The following FILIP1L variants were observed in gnomAD, a reference collection of about 807,000 sequenced individuals.
FILIP1L encodes the protein filamin A interacting protein 1 like, also known as filamin A-interacting protein 1-like.
A neutral mutation model predicts 96.6 loss-of-function variants in FILIP1L; 55 were observed. The observed-to-expected ratio is 0.57, with a 90% CI of 0.46 to 0.71. The LOEUF (loss-of-function observed/expected upper bound fraction) is 0.71. Ranked by LOEUF, FILIP1L falls within the 30% of genes least tolerant of loss-of-function variation. The probability of loss-of-function intolerance (pLI) is 0.00; values close to 1 mark genes in which losing one functional copy is unlikely to be tolerated. For missense variants in FILIP1L, 1,304 were observed against 1,321.2 expected (o/e 0.99, Z 0.20); for synonymous variants, 467 against 473.9 (o/e 0.99, Z 0.19).
chr3:99,987,310 T>G (rs945444747), intron 1 of FILIP1L, among the ~76,000 whole-genome samples: 1 of 151,420 alleles, frequency 6.6e-6, no homozygotes, highest in African/African-American at 2.4e-5. Context: ...GGGTGGATCA[T>G]TTGAGGTCAG....
At chr3:99,923,910 C>T (rs1298371615) in intron 4 of FILIP1L, among the ~76,000 whole-genome samples, 1 of 152,210 alleles carries the variant, frequency 6.6e-6, no homozygotes, top group East Asian at 1.9e-4. Context: ...ACACTTATTT[C>T]ACCCCTTGCC....
chr3:99,869,138 C>T (rs1046379261), intron 4 of FILIP1L, among the ~76,000 whole-genome samples: 2 of 152,118 alleles, frequency 1.3e-5, no homozygotes, highest in African/African-American at 2.4e-5. Context: ...AGTTTTGTTC[C>T]TCTTGTTCTT....
In FILIP1L at chr3:100,023,674, G is replaced by A. The variant is rs141867183; in HGVS notation, c.-11+90379C>T. On this transcript the variant is annotated intron_variant, in intron 1 of 5. Coordinates refer to ENST00000477258, the MANE Select transcript of FILIP1L (RefSeq NM_001387850.1). ...TCTAATTAGGTAAGGCTTGATTTATGGAGTTGGCCTCATATAAACCATGAT... is the reference window on the plus strand; with the variant it reads ...TCTAATTAGGTAAGGCTTGATTTATAGAGTTGGCCTCATATAAACCATGAT... 7.3e-3 allele frequency among the ~76,000 whole-genome samples: 1,105 copies of A among 152,086 alleles called. 19 individuals are homozygous for A. Among genetic ancestry groups the A allele is most frequent in the African/African-American group, 0.025 (1,018 of 41,472 alleles).
intron 1 of FILIP1L, among the ~76,000 whole-genome samples, chr3:99,987,046 T>C (rs1709361707): frequency 6.6e-6 from 1 of 151,182 alleles, no homozygotes; most frequent in Non-Finnish European, 1.5e-5. Flanking sequence ...CTGGGCAACA[T>C]AGTGACACCC....
chr3:100,035,878 A>G (rs1177126963), intron 1 of FILIP1L, among the ~76,000 whole-genome samples: 1 of 152,208 alleles, frequency 6.6e-6, no homozygotes, highest in East Asian at 1.9e-4. Context: ...CAAATCACAT[A>G]CATGTAATTT....
At chr3:100,090,029 T>C (rs146856641) in intron 1 of FILIP1L, among the ~76,000 whole-genome samples, 64 of 152,314 alleles carry the variant, frequency 4.2e-4, no homozygotes, top group African/African-American at 1.5e-3. Context: ...TTTCTCCTGA[T>C]AGGAGTGCGT....
intron 4 of FILIP1L, among the ~76,000 whole-genome samples, chr3:99,913,186 CTGT>C (rs912088554): frequency 2.0e-5 from 3 of 152,174 alleles, no homozygotes; most frequent in African/African-American, 7.2e-5. Context: ...AAATAAATTT[CTGT>C]TGTTTACAAG....
intron 1 of FILIP1L, among the ~76,000 whole-genome samples, chr3:99,993,159 A>G (rs1340989602): frequency 1.3e-5 from 2 of 152,008 alleles, no homozygotes; most frequent in Non-Finnish European, 2.9e-5. Flanking sequence ...TTTGGGTTTC[A>G]TATGAGTTTT....
chr3:99,941,495 A>G (rs1476280235), intron 1 of FILIP1L, among the ~76,000 whole-genome samples: 1 of 152,252 alleles, frequency 6.6e-6, no homozygotes, highest in African/African-American at 2.4e-5. Context: ...TGAAAAACAC[A>G]GTATGTGGGG....
At chr3:100,042,695 G>A (rs2065224638) in intron 1 of FILIP1L, among the ~76,000 whole-genome samples, 1 of 152,186 alleles carries the variant, frequency 6.6e-6, no homozygotes, top group African/African-American at 2.4e-5. Flanking sequence ...GAGGAATAGA[G>A]AACAGGTTTT....
At chr3:99,972,954 C>T (rs1009626692) in intron 1 of FILIP1L, among the ~76,000 whole-genome samples, 1 of 152,178 alleles carries the variant, frequency 6.6e-6, no homozygotes, top group Non-Finnish European at 1.5e-5. Context: ...ATCTTTTGAT[C>T]TTCACACCTT....
At chr3:100,099,581 T>A (rs2066269255) in intron 1 of FILIP1L, among the ~76,000 whole-genome samples, 1 of 152,212 alleles carries the variant, frequency 6.6e-6, no homozygotes, top group Non-Finnish European at 1.5e-5. Flanking sequence ...CTCATTTCCC[T>A]GTTTACACAG....
At chr3:99,861,321 C>A (rs1260012832) in intron 4 of FILIP1L, among the ~76,000 whole-genome samples, 2 of 152,214 alleles carry the variant, frequency 1.3e-5, no homozygotes, top group African/African-American at 2.4e-5. Flanking sequence ...TGATGCCTTC[C>A]CCTGGCTGCC....
intron 1 of FILIP1L, among the ~76,000 whole-genome samples, chr3:99,947,128 ACT>A (rs1457443345): frequency 1.1e-5 from 1 of 92,832 alleles, no homozygotes; most frequent in African/African-American, 5.2e-5. Flanking sequence ...ACAGAGCAAG[ACT>A]CTGTCTCAAA....
intron 1 of FILIP1L, among the ~76,000 whole-genome samples, chr3:99,977,926 T>A (rs1709017865): frequency 6.6e-6 from 1 of 151,904 alleles, no homozygotes; most frequent in Admixed American, 6.6e-5. Context: ...AAAGAAAAAA[T>A]TGCAGGAAAA....
intron 1 of FILIP1L, among the ~76,000 whole-genome samples, chr3:100,093,933 GGTT>G (rs1310914436): frequency 6.6e-6 from 1 of 152,116 alleles, no homozygotes; most frequent in African/African-American, 2.4e-5. Context: ...TTTGTGTACA[GGTT>G]GTTGTGTGAA....
intron 1 of FILIP1L, among the ~76,000 whole-genome samples, chr3:99,961,804 T>A (rs1708500764): frequency 1.3e-5 from 2 of 152,168 alleles, no homozygotes; most frequent in African/African-American, 4.8e-5. Context: ...ATGTCAAACA[T>A]CTTTAGGTCT....
intron 1 of FILIP1L, among the ~76,000 whole-genome samples, chr3:100,044,230 T>C (rs1335135232): frequency 2.0e-5 from 3 of 152,220 alleles, no homozygotes; most frequent in African/African-American, 7.2e-5. Context: ...GTGCCAGGCA[T>C]TGTGATGGGC....
chr3:99,982,868 T>G (rs1709169203), intron 1 of FILIP1L, among the ~76,000 whole-genome samples: 1 of 152,184 alleles, frequency 6.6e-6, no homozygotes, highest in African/African-American at 2.4e-5. Context: ...ATAAATAAAT[T>G]CATATAATGT....
Sources: gnomAD v4.1 joint callset for allele counts (sites outside exome capture counted in the v4.1 genomes callset) on GRCh38, gnomAD v4.1.1 for gene constraint, MANE v1.5 for transcripts, NCBI Gene and HGNC (gene_info 2026-07-23, HGNC 2026-07-21) for gene names.